The following PLCB4 variants were observed in gnomAD, a reference collection of about 807,000 sequenced individuals.
PLCB4 encodes the protein phospholipase C beta 4.
Under a neutral mutation model 178.8 loss-of-function variants are expected in PLCB4, and 77 were observed. That is an observed-to-expected ratio of 0.43 (90% CI 0.36 to 0.52). The LOEUF (loss-of-function observed/expected upper bound fraction) is 0.52. Among genes scored for constraint, PLCB4 ranks in the 20% least tolerant of loss-of-function variants. The pLI is 0.00. For missense variants in PLCB4, 1,024 were observed against 1,453.4 expected, an observed-to-expected ratio of 0.70 and a Z score of 4.80; for synonymous variants, 496 against 490.8, an observed-to-expected ratio of 1.01 and a Z score of -0.14.
intron 33 of PLCB4, among the ~76,000 whole-genome samples, chr20:9,453,892 A>C (rs143606454): frequency 3.3e-5 from 5 of 152,180 alleles, no homozygotes; most frequent in Non-Finnish European, 7.4e-5. Flanking sequence ...TTAACATCTC[A>C]CATAATCATA....
At chr20:9,322,684 G>A (rs564117596) in intron 4 of PLCB4, among the ~76,000 whole-genome samples, 2 of 152,356 alleles carry the variant, frequency 1.3e-5, no homozygotes, top group Admixed American at 6.5e-5. Flanking sequence ...AAGGAGACTA[G>A]TTTTTGAATG....
At chr20:9,366,786 C>T (rs534552615) in intron 9 of PLCB4, among the ~76,000 whole-genome samples, 1 of 152,318 alleles carries the variant, frequency 6.6e-6, no homozygotes, top group Admixed American at 6.5e-5. Context: ...AACATGGGTT[C>T]CCCAGATGCC....
At chr20:9,256,140 G>A (rs1019042330) in intron 3 of PLCB4, among the ~76,000 whole-genome samples, 3 of 152,126 alleles carry the variant, frequency 2.0e-5, no homozygotes, top group Non-Finnish European at 1.5e-5. Context: ...TTGCTAGTGC[G>A]TTAATCAGGA....
chr20:9,260,365 T>G (rs1245254549), intron 3 of PLCB4, among the ~76,000 whole-genome samples: 2 of 152,158 alleles, frequency 1.3e-5, no homozygotes, highest in Admixed American at 1.3e-4. Context: ...AGTTTCTAAT[T>G]GAAGGATATC....
At chr20:9,372,608 C>A (rs926332863) in intron 11 of PLCB4, among the ~76,000 whole-genome samples, 2 of 152,034 alleles carry the variant, frequency 1.3e-5, no homozygotes, top group African/African-American at 4.8e-5. Context: ...AATTGCAGCA[C>A]CTGGAACTTT....
At chr20:9,433,615 G>A (rs1258977765) in intron 28 of PLCB4, among the ~76,000 whole-genome samples, 2 of 152,164 alleles carry the variant, frequency 1.3e-5, no homozygotes, top group Non-Finnish European at 2.9e-5. Context: ...GCAAACAAAT[G>A]TTTATAATTG....
chr20:9,465,623 G>A (rs533531147), intron 35 of PLCB4, among the ~76,000 whole-genome samples: 37 of 152,138 alleles, frequency 2.4e-4, no homozygotes, highest in South Asian at 1.7e-3. Flanking sequence ...AATCACAAGC[G>A]TTCCTATACA....
At chr20:9,334,197 T>G (rs920187397) in intron 4 of PLCB4, among the ~76,000 whole-genome samples, 2 of 152,006 alleles carry the variant, frequency 1.3e-5, no homozygotes, top group African/African-American at 4.8e-5. Context: ...ACAACCAGGA[T>G]TGGAGAGTGT....
rs769604260 is a variant in PLCB4 at position 9,421,493 on chromosome 20, TAA to T, written c.2319+33_2319+34del. ...CATTTTCAGCACGTCAAACTTACTC[TAA>T]TAACTTGGGAGCCATGTTTTAGTTC... is the stretch of plus-strand genomic sequence containing the variant. On this transcript the variant is annotated intron_variant, in intron 27 of 39. Transcript: ENST00000378473. 4 of 1,585,704 alleles carry T rather than the reference TAA, an allele frequency of 2.5e-6. No homozygotes were observed. In the African/African-American group the frequency reaches 4.0e-5, roughly 16 times the overall value.
intron 3 of PLCB4, among the ~76,000 whole-genome samples, chr20:9,221,235 G>T (rs1438907306): frequency 6.6e-6 from 1 of 152,170 alleles, no homozygotes; most frequent in Admixed American, 6.5e-5. Flanking sequence ...TTGCTCCCTA[G>T]AGTCTGTTCC....
chr20:9,249,881 G>A (rs1158588536), intron 3 of PLCB4, among the ~76,000 whole-genome samples: 1 of 152,066 alleles, frequency 6.6e-6, no homozygotes, highest in Non-Finnish European at 1.5e-5. Flanking sequence ...TCAGTATATA[G>A]CAACACTGAA....
At chr20:9,354,555 G>A (rs996833709) in intron 7 of PLCB4, among the ~76,000 whole-genome samples, 2 of 152,180 alleles carry the variant, frequency 1.3e-5, no homozygotes, top group African/African-American at 2.4e-5. Context: ...CTGAGAATGG[G>A]CACTTCCGGT....
intron 2 of PLCB4, among the ~76,000 whole-genome samples, chr20:9,216,967 ACT>A (rs879504262): frequency 1.3e-5 from 2 of 152,084 alleles, no homozygotes; most frequent in Admixed American, 6.6e-5. Flanking sequence ...ATAAAAAAAG[ACT>A]CTCTTTGCAA....
At chr20:9,461,337 A>G (rs1234285591) in intron 35 of PLCB4, among the ~76,000 whole-genome samples, 2 of 152,202 alleles carry the variant, frequency 1.3e-5, no homozygotes, top group Non-Finnish European at 2.9e-5. Context: ...TCCTAGCATG[A>G]TCGATGCAGA....
chr20:9,131,311 CT>C (rs2092267331), intron 2 of PLCB4, among the ~76,000 whole-genome samples: 1 of 151,988 alleles, frequency 6.6e-6, no homozygotes, highest in African/African-American at 2.4e-5. Context: ...TTCCTTCCTT[CT>C]TTTCCTCCCT....
In PLCB4 at chr20:9,387,446, C is replaced by T; in HGVS notation, c.1065-17C>T. Reference sequence around the variant, plus strand: ...TCATTGTAAAGTTTCAATATTGTAACTTCACTATATCCCTAGATGTGTTGA... The same window carrying T: ...TCATTGTAAAGTTTCAATATTGTAATTTCACTATATCCCTAGATGTGTTGA... On this transcript the variant is annotated splice_polypyrimidine_tract_variant and intron_variant, in intron 14 of 39. Coordinates refer to ENST00000378473, the MANE Select transcript of PLCB4 (RefSeq NM_001377142.1). 1 of 1,306,644 alleles carries T rather than the reference C, an allele frequency of 7.7e-7. No homozygotes were observed. Among genetic ancestry groups the T allele is most frequent in the African/African-American group, 1.5e-5 (1 of 67,966 alleles). The allele number at this position is 1,306,644 out of a possible 1,614,324, so 80.9% of individuals were successfully genotyped here. A position where few individuals can be genotyped will look rare whatever the true frequency, so the allele number is the denominator to read the frequency against.
chr20:9,470,167 A>G (rs887163898), intron 36 of PLCB4, among the ~76,000 whole-genome samples: 1 of 152,010 alleles, frequency 6.6e-6, no homozygotes, highest in Non-Finnish European at 1.5e-5. Context: ...CACCTCTACT[A>G]AAAATACAAA....
At chr20:9,436,383 G>A (rs142481959) in intron 29 of PLCB4, among the ~76,000 whole-genome samples, 5 of 152,216 alleles carry the variant, frequency 3.3e-5, no homozygotes, top group Admixed American at 6.5e-5. Flanking sequence ...ATAGGATCTC[G>A]CTCTGTTTCC....
intron 2 of PLCB4, among the ~76,000 whole-genome samples, chr20:9,168,751 G>T (rs1444914631): frequency 6.6e-6 from 1 of 152,218 alleles, no homozygotes; most frequent in Non-Finnish European, 1.5e-5. Flanking sequence ...AGATGTGATT[G>T]AGGGGAATCG....
Sources: allele counts gnomAD v4.1 joint callset (sites outside exome capture counted in the v4.1 genomes callset), GRCh38; gene constraint gnomAD v4.1.1; transcripts MANE v1.5; gene names NCBI Gene and HGNC (gene_info 2026-07-23, HGNC 2026-07-21).